ADD2: variants seen among roughly 807,000 people sequenced by gnomAD.
The protein encoded by ADD2 is adducin 2.
A neutral mutation model predicts 83.0 loss-of-function variants in ADD2; 23 were observed. The observed-to-expected ratio is 0.28, with a 90% CI of 0.20 to 0.39. The LOEUF (loss-of-function observed/expected upper bound fraction) is 0.39. ADD2 is among the 10% of genes least tolerant of loss of function. The pLI, the probability that ADD2 is intolerant of heterozygous loss-of-function variation, is 1.00. For missense variants in ADD2, 758 were observed against 944.9 expected (o/e 0.80, Z 2.59); for synonymous variants, 375 against 375.4 (o/e 1.00, Z 0.01).
intron 12 of ADD2, among the ~76,000 whole-genome samples, chr2:70,677,217 T>C (rs918030345): frequency 2.0e-5 from 3 of 151,936 alleles, no homozygotes; most frequent in Admixed American, 2.0e-4. Flanking sequence ...TGAATCTGAA[T>C]ATCTGGGGAG....
intron 1 of ADD2, among the ~76,000 whole-genome samples, chr2:70,713,928 G>A (rs1337709046): frequency 1.3e-5 from 2 of 151,964 alleles, no homozygotes; most frequent in African/African-American, 2.4e-5. Context: ...GAAGAATATC[G>A]CATCCCAGGA....
chr2:70,713,126 T>TA lies in ADD2; in HGVS notation c.-96dup, dbSNP rs1672284222. On this transcript the variant is annotated 5_prime_UTR_variant, in exon 2 of 16. The change abolishes the stop of an existing upstream ORF in the 5' untranslated region. Coordinates refer to ENST00000264436, the MANE Select transcript of ADD2 (RefSeq NM_001617.4). ...TGTTCACTGCTCAGTCTGCACCCCC[T>TA]AGCTCCACTCTCAAGGGTGCCGGCC... 2 of 985,356 alleles carry TA rather than the reference T, an allele frequency of 2.0e-6. No homozygotes were observed. The highest frequency in any genetic ancestry group is 3.5e-5 in the African/African-American group (2 of 57,188). 61.0% of individuals were successfully genotyped at this position (985,356 alleles called of 1,614,324 possible). A position where few individuals can be genotyped will look rare whatever the true frequency, so the allele number is the denominator to read the frequency against.
chr2:70,736,487 A>G (rs180997416), intron 1 of ADD2, among the ~76,000 whole-genome samples: 140 of 152,348 alleles, frequency 9.2e-4, no homozygotes, highest in African/African-American at 3.3e-3. Context: ...ATTTTTAAGT[A>G]TTTTTGCAAA....
In ADD2 at chr2:70,668,485, ATCTTTTTT is replaced by A. The variant is rs1363949761; in HGVS notation, c.1870+4385_1870+4392del. ...CATTTTACACTTGCATGTGTCATTT[ATCTTTTTT>A]TCTTTTGAGAGTCTATTCATCACCC... On this transcript the variant is annotated intron_variant, in intron 15 of 15. Transcript: ENST00000264436. Among the ~76,000 whole-genome samples, 10 of 152,214 alleles carry A rather than the reference ATCTTTTTT, an allele frequency of 6.6e-5. No individual in the cohort carries two copies. The East Asian group carries it at 1.9e-3, about 29-fold the overall frequency.
At chr2:70,704,173 T>A (rs1243733954) in intron 4 of ADD2, 148 bp downstream of exon 4, 5 of 1,009,170 alleles carry the variant, frequency 5.0e-6, no homozygotes, top group Non-Finnish European at 7.0e-6. Flanking sequence ...CCTCTCTGGC[T>A]GCTGCTGAGC....
At chr2:70,689,380 C>T (rs1670910686) in intron 8 of ADD2, among the ~76,000 whole-genome samples, 1 of 152,264 alleles carries the variant, frequency 6.6e-6, no homozygotes, top group Admixed American at 6.5e-5. Flanking sequence ...AGATCTGTCT[C>T]CAGGCAGAGC....
intron 12 of ADD2, among the ~76,000 whole-genome samples, chr2:70,677,295 C>A (rs995356922): frequency 3.3e-5 from 5 of 151,976 alleles, no homozygotes; most frequent in South Asian, 2.1e-4. Context: ...TTTCAACAAG[C>A]GCTGTAGGGT....
chr2:70,704,263 T>TAG, intron 4 of ADD2, 58 bp downstream of exon 4: 24 of 913,230 alleles, frequency 2.6e-5, no homozygotes, highest in East Asian at 5.9e-5. Flanking sequence ...CTCCCTCTCT[T>TAG]CCCCACCCCA....
At chr2:70,686,828 A>G (rs1670750597) in intron 9 of ADD2, among the ~76,000 whole-genome samples, 1 of 151,982 alleles carries the variant, frequency 6.6e-6, no homozygotes, top group South Asian at 2.1e-4. Flanking sequence ...TGCCTCTAAT[A>G]CTTCATCATT....
rs868940925 is a variant in ADD2, at chr2:70,667,035, A to T, written c.1871-3300T>A. ...TAGGCCCCTGGAAAGTACTGAGGACAGGCTCTGATAGCCTAGACCCCTCCT... is the reference window on the plus strand; with the variant it reads ...TAGGCCCCTGGAAAGTACTGAGGACTGGCTCTGATAGCCTAGACCCCTCCT... On this transcript the variant is annotated intron_variant, in intron 15 of 15. Coordinates refer to ENST00000264436, the MANE Select transcript of ADD2 (RefSeq NM_001617.4). 3.9e-5 allele frequency among the ~76,000 whole-genome samples: 6 copies of T among 152,324 alleles called. No individual in the cohort carries two copies. The Middle Eastern group carries it at 0.014, about 345-fold the overall frequency.
At position 70,663,753 on chromosome 2, in the gene ADD2, G is replaced by C. The variant is rs782751146; in HGVS notation, c.1871-18C>G. On this transcript the variant is annotated intron_variant, in intron 15 of 15. Coordinates refer to ENST00000264436, the MANE Select transcript of ADD2 (RefSeq NM_001617.4). ...AGTACCTTCTAGAAAAAGATCAAAA[G>C]ATATGACCTGTAAGATTTCATTCAG... is the stretch of plus-strand genomic sequence containing the variant. The C allele has an allele frequency of 8.7e-6, 14 of 1,604,334 alleles. 1 individual carries two copies. In the South Asian group the frequency reaches 1.5e-4, roughly 18 times the overall value.
chr2:70,747,185 T>C (rs1674254459), intron 1 of ADD2, among the ~76,000 whole-genome samples: 2 of 152,030 alleles, frequency 1.3e-5, no homozygotes, highest in Non-Finnish European at 1.5e-5. Context: ...TAATTTTTTG[T>C]ATTTTTAGTA....
chr2:70,752,918 G>A (rs1183341429), intron 1 of ADD2, among the ~76,000 whole-genome samples: 1 of 152,208 alleles, frequency 6.6e-6, no homozygotes, highest in East Asian at 1.9e-4. Context: ...AGGATCCCCA[G>A]GTGATCAGTG....
chr2:70,704,263 T>TGGGCCCCCCCCCCCACC, intron 4 of ADD2, 58 bp downstream of exon 4: 1 of 913,238 alleles, frequency 1.1e-6, no homozygotes, highest in Non-Finnish European at 1.7e-6. Flanking sequence ...CTCCCTCTCT[T>TGGGCCCCCCCCCCCACC]CCCCACCCCA....
intron 7 of ADD2, among the ~76,000 whole-genome samples, chr2:70,692,199 G>A (rs1318728284): frequency 6.6e-6 from 1 of 152,230 alleles, no homozygotes; most frequent in Non-Finnish European, 1.5e-5. Flanking sequence ...GGGATGCGAT[G>A]GAACAGACAT....
chr2:70,741,145 T>C (rs1468116386), intron 1 of ADD2, among the ~76,000 whole-genome samples: 2 of 152,006 alleles, frequency 1.3e-5, no homozygotes, highest in South Asian at 2.1e-4. Context: ...TTACCAAATA[T>C]CAGCAGTGGG....
chr2:70,708,122 G>A (rs968697877), intron 2 of ADD2, among the ~76,000 whole-genome samples: 1 of 152,238 alleles, frequency 6.6e-6, no homozygotes, highest in Non-Finnish European at 1.5e-5. Context: ...TCTGGGTGGG[G>A]TGAGGGGAGA....
intron 1 of ADD2, among the ~76,000 whole-genome samples, chr2:70,730,638 T>C (rs986292470): frequency 6.6e-6 from 1 of 152,386 alleles, no homozygotes; most frequent in African/African-American, 2.4e-5. Flanking sequence ...TTGACTAATA[T>C]GTCTCCTCTT....
Position 70,663,467 on chromosome 2 carries a change from G to A in ADD2, c.2139C>T (p.Ser713=). 6.2e-7 allele frequency: 1 copy of A among 1,614,014 alleles called. No individual in the cohort carries two copies. Among genetic ancestry groups the A allele is most frequent in the South Asian group, 1.1e-5 (1 of 91,062 alleles). The change falls in exon 16 of 16, where the codon TCC becomes TCT. Residue 713 remains serine, a synonymous_variant. Coordinates refer to ENST00000264436, the MANE Select transcript of ADD2 (RefSeq NM_001617.4). ...SKKKKKFRTP[S]FLKKSKKKEK... ...CCTTCTTTTTGCTCTTTTTCAGGAAGGAGGGGGTTCGGAATTTCTTTTTCT... is the reference window on the plus strand; with the variant it reads ...CCTTCTTTTTGCTCTTTTTCAGGAAAGAGGGGGTTCGGAATTTCTTTTTCT...
Sources: allele counts gnomAD v4.1 joint callset (sites outside exome capture counted in the v4.1 genomes callset), GRCh38; gene constraint gnomAD v4.1.1; transcripts MANE v1.5; gene names NCBI Gene and HGNC (gene_info 2026-07-23, HGNC 2026-07-21).